Variants in DMD observed in about 807,000 individuals in gnomAD.
The protein encoded by DMD is dystrophin, also known as mutant dystrophin.
DMD carries 63 observed loss-of-function variants against 330.1 expected under a neutral mutation model. That is an observed-to-expected ratio of 0.19 (90% CI 0.16 to 0.24). The LOEUF (loss-of-function observed/expected upper bound fraction) is 0.24. Among genes scored for constraint, DMD ranks in the 10% least tolerant of loss-of-function variants. The pLI, the probability that DMD is intolerant of heterozygous loss-of-function variation, is 1.00. For missense variants in DMD, 3,344 were observed against 2,684.1 expected, an observed-to-expected ratio of 1.25 and a Z score of -5.43; for synonymous variants, 1,223 against 959.8, an observed-to-expected ratio of 1.27 and a Z score of -5.07.
chrX:32,625,824 G>A (rs1030107264), intron 11 of DMD, among the ~76,000 whole-genome samples: 5 of 111,865 alleles, frequency 4.5e-5, no homozygotes, highest in Non-Finnish European at 9.4e-5. Context: ...AGAGGTGTGA[G>A]CTCTTTAGGA....
intron 62 of DMD, among the ~76,000 whole-genome samples, chrX:31,321,684 A>C (rs2056446643): frequency 9.2e-6 from 1 of 109,150 alleles, no homozygotes; most frequent in African/African-American, 3.3e-5. Context: ...AGAGCCTCTA[A>C]GACTAGACTG....
At chrX:31,721,704 CTCTCTCTCTCTCTCTATA>C (rs1267160836) in intron 52 of DMD, among the ~76,000 whole-genome samples, 1,481 of 49,497 alleles carry the variant, frequency 0.03, 15 homozygotes, top group East Asian at 0.064. Flanking sequence ...CTCTCTCTCT[CTCTCTCTCTCTCTCTATA>C]TATATATATA....
chrX:32,105,771 G>A lies in DMD; in HGVS notation c.6438+111145C>T, dbSNP rs190088827. On this transcript the variant is annotated intron_variant, in intron 44 of 78. Coordinates refer to ENST00000357033, the MANE Select transcript of DMD (RefSeq NM_004006.3). ...TAATCCAGCATATAATAAAAGGATC[G>A]TGTACAACATTAATTACAAGGTCAG... 3.3e-3 allele frequency among the ~76,000 whole-genome samples: 365 copies of A among 111,486 alleles called. 3 individuals carry two copies. Among genetic ancestry groups the A allele is most frequent in the African/African-American group, 0.011 (344 of 30,806 alleles).
intron 1 of DMD, among the ~76,000 whole-genome samples, chrX:33,045,188 A>G (rs1225269850): frequency 9.0e-6 from 1 of 110,730 alleles, no homozygotes; most frequent in Admixed American, 9.7e-5. Flanking sequence ...TTTCCCATTT[A>G]CAGATTGTAA....
At chrX:31,850,372 T>G (rs1451683850) in intron 48 of DMD, among the ~76,000 whole-genome samples, 1 of 112,346 alleles carries the variant, frequency 8.9e-6, no homozygotes, top group Non-Finnish European at 1.9e-5. Context: ...CTAAGACATT[T>G]GTGGATACTA....
At chrX:33,232,382 C>T (rs1941426492) in intron 1 of DMD, among the ~76,000 whole-genome samples, 2 of 111,864 alleles carry the variant, frequency 1.8e-5, no homozygotes, top group South Asian at 7.3e-4. Context: ...ATGATTAGAG[C>T]TTATGGATAA....
intron 1 of DMD, among the ~76,000 whole-genome samples, chrX:33,047,902 G>T (rs1217830242): frequency 8.9e-6 from 1 of 111,843 alleles, no homozygotes; most frequent in Non-Finnish European, 1.9e-5. Context: ...TAGGCATTTT[G>T]ATGAAGCGAT....
chrX:31,920,587 T>C (rs1430805865), intron 47 of DMD, among the ~76,000 whole-genome samples: 1 of 112,369 alleles, frequency 8.9e-6, no homozygotes, highest in Admixed American at 9.4e-5. Context: ...TTCTTCTCCT[T>C]TCTAGAAGTC....
At chrX:31,433,739 G>A (rs1243450394) in intron 60 of DMD, among the ~76,000 whole-genome samples, 1 of 111,557 alleles carries the variant, frequency 9.0e-6, no homozygotes, top group Non-Finnish European at 1.9e-5. Flanking sequence ...GATCACAGGC[G>A]TGAGCCACGA....
chrX:32,560,510 C>T (rs1230781381), intron 16 of DMD, among the ~76,000 whole-genome samples: 3 of 110,180 alleles, frequency 2.7e-5, no homozygotes, highest in Non-Finnish European at 3.8e-5. Context: ...TAAATGTGTG[C>T]CACGGTGGTA....
At chrX:32,752,550 G>A (rs1452063242) in intron 7 of DMD, among the ~76,000 whole-genome samples, 2 of 104,440 alleles carry the variant, frequency 1.9e-5, no homozygotes, top group Non-Finnish European at 3.9e-5. Flanking sequence ...GCCTTATCTA[G>A]GATGACACTT....
chrX:32,333,383 G>A (rs1049617839), intron 41 of DMD, among the ~76,000 whole-genome samples: 3 of 110,921 alleles, frequency 2.7e-5, no homozygotes, highest in African/African-American at 9.8e-5. Flanking sequence ...AGGTTCCTAC[G>A]TGGATGTTCT....
intron 59 of DMD, among the ~76,000 whole-genome samples, chrX:31,462,345 C>T (rs1290124673): frequency 2.7e-5 from 3 of 110,772 alleles, no homozygotes; most frequent in South Asian, 3.9e-4. Context: ...CCAGGCGTGG[C>T]GGTGCATGCC....
intron 55 of DMD, among the ~76,000 whole-genome samples, chrX:31,581,049 G>A (rs921062518): frequency 1.8e-5 from 2 of 111,877 alleles, no homozygotes; most frequent in African/African-American, 3.2e-5. Flanking sequence ...ACTAAGCTGC[G>A]TGAAAACTTC....
At chrX:33,008,950 A>G (rs2093477602) in intron 2 of DMD, among the ~76,000 whole-genome samples, 1 of 97,701 alleles carries the variant, frequency 1.0e-5, no homozygotes, top group African/African-American at 3.6e-5. Context: ...ACGTATATAT[A>G]CGTATATATA....
chrX:32,967,106 C>G (rs2092189758), intron 2 of DMD, among the ~76,000 whole-genome samples: 1 of 111,926 alleles, frequency 8.9e-6, no homozygotes, highest in South Asian at 3.8e-4. Flanking sequence ...TATTCACTAA[C>G]TGGTGATGTT....
intron 17 of DMD, among the ~76,000 whole-genome samples, chrX:32,540,103 C>T (rs2048354456): frequency 9.0e-6 from 1 of 111,370 alleles, no homozygotes; most frequent in Non-Finnish European, 1.9e-5. Context: ...TTAAAAATCC[C>T]TTAAAATAAC....
intron 44 of DMD, among the ~76,000 whole-genome samples, chrX:32,017,611 T>C (rs1190459044): frequency 1.8e-5 from 2 of 111,784 alleles, no homozygotes; most frequent in Non-Finnish European, 3.8e-5. Context: ...GAGTCTAGCA[T>C]GTGGGAAGTA....
At chrX:32,741,425 C>A (rs993123485) in intron 7 of DMD, among the ~76,000 whole-genome samples, 1 of 111,494 alleles carries the variant, frequency 9.0e-6, no homozygotes, top group Non-Finnish European at 1.9e-5. Flanking sequence ...TTTTCTCCCC[C>A]TTTTTAAACA....
Sources: gnomAD v4.1 joint callset for allele counts (sites outside exome capture counted in the v4.1 genomes callset) on GRCh38, gnomAD v4.1.1 for gene constraint, MANE v1.5 for transcripts, NCBI Gene and HGNC (gene_info 2026-07-23, HGNC 2026-07-21) for gene names.